The following LOX variants were observed in gnomAD, a reference collection of about 807,000 sequenced individuals.
LOX encodes the protein lysyl oxidase.
In LOX, 12 loss-of-function variants were observed where a neutral mutation model predicts 50.5. The observed-to-expected ratio is 0.24, with a 90% confidence interval of 0.15 to 0.38. The LOEUF (loss-of-function observed/expected upper bound fraction) is 0.38, where lower values mean the gene tolerates loss of function less well. LOX is among the 10% of genes least tolerant of loss of function. LOX has a pLI of 1.00. For synonymous variants in LOX, 254 were observed against 230.6 expected (o/e 1.10, Z -0.92); for missense variants, 504 against 563.8 (o/e 0.89, Z 1.07).
Position 122,077,909 on chromosome 5 carries a change from G to A in LOX, c.77C>T (p.Ala26Val). The A allele has an allele frequency of 6.6e-7, 1 of 1,515,590 alleles. No homozygotes were observed. Among genetic ancestry groups the A allele is most frequent in the Admixed American group, 2.4e-5 (1 of 42,470 alleles). 93.9% of individuals were successfully genotyped at this position (1,515,590 alleles called of 1,614,324 possible). A position where few individuals can be genotyped will look rare whatever the true frequency, so the allele number is the denominator to read the frequency against. ...CALVHCAPPA[A>V]GQQQPPREPP... Reference sequence around the variant, plus strand: ...CTCGCGCGGGGGCTGCTGTTGGCCGGCGGCGGGAGGGGCGCAGTGCACTAG... The same window carrying A: ...CTCGCGCGGGGGCTGCTGTTGGCCGACGGCGGGAGGGGCGCAGTGCACTAG... The change falls in exon 1 of 7, where the codon GCC becomes GTC. Residue 26 changes from alanine (A) to valine (V), a missense_variant. Around this residue, in one of 2 missense-constraint regions of LOX, gnomAD observed 398 missense variants for 365.8 expected, o/e 1.09. Coordinates refer to ENST00000231004, the MANE Select transcript of LOX (RefSeq NM_002317.7). The surrounding 1 kb of genome is among the most constrained non-coding windows in gnomAD (Gnocchi z 4.9).
Position 122,075,538 on chromosome 5 carries a change from T to A in LOX, c.744A>T (p.Thr248=). 19 of 1,568,748 alleles carry A rather than the reference T, an allele frequency of 1.2e-5. No individual in the cohort carries two copies. Among genetic ancestry groups the A allele is most frequent in the Non-Finnish European group, 1.6e-5 (19 of 1,164,314 alleles). The change falls in exon 3 of 7, where the codon ACA becomes ACT. Residue 248 remains threonine (T), a synonymous_variant. Transcript: ENST00000231004. ...CAAEENCLAS[T]AYRADVRDYD... is the part of the protein sequence containing the mutation. ...AATCTCTGACATCTGCCCTGTATGC[T>A]GTACTGTGATTTTGAAAAAAGAAAA...
chr5:122,072,814 T>C (rs949354531), intron 4 of LOX, among the ~76,000 whole-genome samples: 11 of 152,232 alleles, frequency 7.2e-5, no homozygotes, highest in Non-Finnish European at 4.4e-5. Flanking sequence ...AGAAGTGCTA[T>C]AATGTCTACA....
chr5:122,070,486 G>A lies in LOX; in HGVS notation c.1131+8C>T, dbSNP rs1241027041. 6.7e-7 allele frequency: 1 copy of A among 1,496,866 alleles called. No individual in the cohort carries two copies. Among genetic ancestry groups the A allele is most frequent in the African/African-American group, 1.4e-5 (1 of 72,314 alleles). 92.7% of individuals were successfully genotyped at this position (1,496,866 alleles called of 1,614,324 possible). ...ATCAATATATGATATATTTTCAAAGGTCTTTACCTTTAGGATATAGTTTCC... is the reference window on the plus strand; with the variant it reads ...ATCAATATATGATATATTTTCAAAGATCTTTACCTTTAGGATATAGTTTCC... On this transcript the variant is annotated splice_region_variant and intron_variant, in intron 5 of 6. Transcript: ENST00000231004.
rs1416292457 is a variant in LOX at position 122,077,551 on chromosome 5, C to G, written c.435G>C (p.Gln145His). 1 of 1,613,366 alleles carries G rather than the reference C, an allele frequency of 6.2e-7. No homozygotes were observed. The highest frequency in any genetic ancestry group is 8.5e-7 in the Non-Finnish European group (1 of 1,179,900). Residue 145 changes from glutamine to histidine, a missense_variant, in exon 1 of 7, where the codon CAG becomes CAC. Around this residue, in one of 2 missense-constraint regions of LOX, gnomAD observed 398 missense variants for 365.8 expected, o/e 1.09. Transcript: ENST00000231004. The surrounding 1 kb of genome is among the most constrained non-coding windows in gnomAD (Gnocchi z 4.9). ...REAGASRAENQTAPGEVPALS... is the reference protein window; with the variant it reads ...REAGASRAENHTAPGEVPALS... ...GCGCAGGAACTTCTCCCGGCGCTGT[C>G]TGGTTCTCCGCGCGCGAGGCGCCAG...
chr5:122,076,866 C>A (rs1216851988), intron 2 of LOX, 27 bp downstream of exon 2: 1 of 1,603,746 alleles, frequency 6.2e-7, no homozygotes, highest in East Asian at 2.2e-5. Context: ...GACCGGGGAG[C>A]GGGGCCTCAG....
chr5:122,075,219 A>C (rs1245984149), intron 3 of LOX, 185 bp downstream of exon 3: 1 of 519,346 alleles, frequency 1.9e-6, no homozygotes, highest in Non-Finnish European at 3.3e-6. Flanking sequence ...CAGATTTTCC[A>C]TTTCAAAAGA....
In LOX at chr5:122,077,301, A is replaced by G. The variant is rs1754666267; in HGVS notation, c.631+54T>C. On this transcript the variant is annotated intron_variant, in intron 1 of 6. Coordinates refer to ENST00000231004, the MANE Select transcript of LOX (RefSeq NM_002317.7). This position sits in a 1 kb window ranked among gnomAD's most constrained non-coding sequence, Gnocchi z 4.9. ...GCCCAGGCAGCCACGTCGAGAAGCC[A>G]CATAGCTGGGGACCAGGTGCACGGG... 1.9e-6 allele frequency: 3 copies of G among 1,609,416 alleles called. No homozygotes were observed. The highest frequency in any genetic ancestry group is 1.1e-5 in the South Asian group (1 of 90,402).
rs570422255 is a variant in LOX at position 122,070,753 on chromosome 5, C to T, written c.1036-164G>A. ...CCTTGAGAAGTATTTATTACTCAGC[C>T]TTATAGCACCTCCAGCTAAAAAAGA... On this transcript the variant is annotated intron_variant, in intron 4 of 6. Transcript: ENST00000231004. 147 of 476,542 alleles carry T rather than the reference C, an allele frequency of 3.1e-4. 1 individual carries two copies. In the South Asian group the frequency reaches 6.2e-3, roughly 20 times the overall value. 29.5% of individuals were successfully genotyped at this position (476,542 alleles called of 1,614,324 possible). A position where few individuals can be genotyped will look rare whatever the true frequency, so the allele number is the denominator to read the frequency against.
rs574014772 is a variant in LOX at position 122,064,737 on chromosome 5, A to C, written c.*2006T>G. The C allele has an allele frequency of 2.0e-5, 3 of 152,106 alleles. No individual in the cohort carries two copies. Among genetic ancestry groups the C allele is most frequent in the South Asian group, 2.1e-4 (1 of 4,826 alleles). 9.4% of individuals were successfully genotyped at this position (152,106 alleles called of 1,614,324 possible). ...GACAGTCTTTTTTATGTCTCAATGC[A>C]TACCATGTGAGTACTTGGCATATAT... On this transcript the variant is annotated 3_prime_UTR_variant, in exon 7 of 7. Transcript: ENST00000231004.
At chr5:122,070,020 C>G (rs574685251) in intron 6 of LOX, 33 bp downstream of exon 6, 1 of 1,444,852 alleles carries the variant, frequency 6.9e-7, no homozygotes, top group African/African-American at 1.4e-5. Flanking sequence ...TTATTTGTGA[C>G]AACAATTACT....
intron 3 of LOX, among the ~76,000 whole-genome samples, chr5:122,074,822 G>A (rs768263477): frequency 9.9e-5 from 15 of 152,210 alleles, no homozygotes; most frequent in Non-Finnish European, 1.8e-4. Flanking sequence ...ATTTCAGGAA[G>A]TAAGTTTAAG....
Position 122,078,017 on chromosome 5 carries a change from G to A in LOX, c.-32C>T, listed in dbSNP as rs758812302. On this transcript the variant is annotated 5_prime_UTR_variant, in exon 1 of 7. Transcript: ENST00000231004. ...TTTTGCCAGATTGACCCCGCTCGAG[G>A]AGGACGTGGCTCACAGAAAATAAAA... 7.0e-6 allele frequency: 10 copies of A among 1,438,682 alleles called. No homozygotes were observed. The highest frequency in any genetic ancestry group is 1.9e-4 in the Middle Eastern group (1 of 5,404). The allele number at this position is 1,438,682 out of a possible 1,614,324, so 89.1% of individuals were successfully genotyped here. A position where few individuals can be genotyped will look rare whatever the true frequency, so the allele number is the denominator to read the frequency against.
At chr5:122,070,321 T>C (rs887643644) in intron 5 of LOX, among the ~76,000 whole-genome samples, 153 bp from the exon 6 acceptor site, 1 of 152,128 alleles carries the variant, frequency 6.6e-6, no homozygotes, top group Non-Finnish European at 1.5e-5. Flanking sequence ...AGACTGCATA[T>C]TTTCCCCTGA....
intron 6 of LOX, among the ~76,000 whole-genome samples, chr5:122,067,970 A>G (rs1754343752): frequency 1.3e-5 from 2 of 152,112 alleles, no homozygotes; most frequent in Non-Finnish European, 2.9e-5. Context: ...AAATGTAAGA[A>G]GCAAGTATTA....
chr5:122,068,111 T>C (rs1754347217), intron 6 of LOX, among the ~76,000 whole-genome samples: 1 of 149,276 alleles, frequency 6.7e-6, no homozygotes, highest in African/African-American at 2.5e-5. Context: ...ATCTGGTTTA[T>C]ATTAGTTATA....
rs1754416159 is a variant in LOX at position 122,070,438 on chromosome 5, A to C, written c.1131+56T>G. ...GATTATTTAACATTTGAATCCAGAG[A>C]AGAGGGCCTATTGATCTGCAATATC... On this transcript the variant is annotated intron_variant, in intron 5 of 6. Coordinates refer to ENST00000231004, the MANE Select transcript of LOX (RefSeq NM_002317.7). The C allele has an allele frequency of 2.8e-5, 26 of 922,052 alleles. No homozygotes were observed. In the South Asian group the frequency reaches 3.6e-4, roughly 13 times the overall value. 57.1% of individuals were successfully genotyped at this position (922,052 alleles called of 1,614,324 possible).
At chr5:122,074,898 C>T (rs1276327926) in intron 3 of LOX, among the ~76,000 whole-genome samples, 1 of 152,132 alleles carries the variant, frequency 6.6e-6, no homozygotes, top group Non-Finnish European at 1.5e-5. Flanking sequence ...GATAGAATTA[C>T]CTTATGCAAA....
intron 6 of LOX, among the ~76,000 whole-genome samples, chr5:122,068,430 C>T (rs535865749): frequency 1.3e-5 from 2 of 152,222 alleles, no homozygotes; most frequent in Non-Finnish European, 2.9e-5. Flanking sequence ...TCCTTCTGAT[C>T]TCACCACATT....
chr5:122,071,519 G>A (rs1050847836), intron 4 of LOX, among the ~76,000 whole-genome samples: 1 of 152,098 alleles, frequency 6.6e-6, no homozygotes, highest in Admixed American at 6.6e-5. Flanking sequence ...ATAAGTAAAT[G>A]AATGCCTTCT....
Sources: gnomAD v4.1 joint callset for allele counts (sites outside exome capture counted in the v4.1 genomes callset) on GRCh38, gnomAD v4.1.1 for gene constraint, gnomAD v4.1.1 regional missense constraint, Gnocchi (gnomAD v3.1) non-coding constraint, MANE v1.5 for transcripts, NCBI Gene and HGNC (gene_info 2026-07-23, HGNC 2026-07-21) for gene names.